Variants in ADAMTSL1 observed in about 807,000 individuals in gnomAD.
ADAMTSL1 encodes the protein ADAMTS like 1, also known as ADAMTS-like protein 1.
Under a neutral mutation model 201.8 loss-of-function variants are expected in ADAMTSL1, and 126 were observed. The observed-to-expected ratio is 0.62, with a 90% CI of 0.54 to 0.72. The LOEUF (loss-of-function observed/expected upper bound fraction) is 0.72. Ranked by LOEUF, ADAMTSL1 falls within the 30% of genes least tolerant of loss-of-function variation. The probability of loss-of-function intolerance (pLI) is 0.00; values close to 1 mark genes in which losing one functional copy is unlikely to be tolerated. For synonymous variants in ADAMTSL1, 1,121 were observed against 903.4 expected, an observed-to-expected ratio of 1.24 and a Z score of -4.32; for missense variants, 2,679 against 2,277.8, an observed-to-expected ratio of 1.18 and a Z score of -3.59.
chr9:17,927,046 G>A (rs949813881), intron 1 of ADAMTSL1, among the ~76,000 whole-genome samples: 1 of 152,034 alleles, frequency 6.6e-6, no homozygotes, highest in Admixed American at 6.6e-5. Context: ...CTATAGCCAC[G>A]AACAACTCCT....
chr9:18,760,383 A>G (rs1375264202), intron 16 of ADAMTSL1, among the ~76,000 whole-genome samples: 1 of 152,110 alleles, frequency 6.6e-6, no homozygotes, highest in African/African-American at 2.4e-5. Context: ...CCAACTTGGT[A>G]TTGATGATTC....
In ADAMTSL1 at chr9:17,935,922, C is replaced by T. The variant is rs573259447; in HGVS notation, c.87+29000C>T. On this transcript the variant is annotated intron_variant, in intron 1 of 29. Transcript: ENST00000680146. ...GCCCTCCAGTGCTTCCCATCTTCCACATGGCTTATAAGGCCTGATTTATCT... is the reference window on the plus strand; with the variant it reads ...GCCCTCCAGTGCTTCCCATCTTCCATATGGCTTATAAGGCCTGATTTATCT... 5.1e-4 allele frequency among the ~76,000 whole-genome samples: 77 copies of T among 152,300 alleles called. 1 individual carries two copies. The highest frequency in any genetic ancestry group is 1.2e-3 in the South Asian group (6 of 4,830).
chr9:18,856,507 AGGCTAGAGTGCAGT>A (rs900296072), intron 23 of ADAMTSL1, among the ~76,000 whole-genome samples: 6 of 121,372 alleles, frequency 4.9e-5, no homozygotes, highest in Admixed American at 3.4e-4. Context: ...TCTGTCGCCC[AGGCTAGAGTGCAGT>A]GGCACAGTCT....
At chr9:17,918,154 A>T (rs1472587609) in intron 1 of ADAMTSL1, among the ~76,000 whole-genome samples, 3 of 150,226 alleles carry the variant, frequency 2.0e-5, no homozygotes, top group African/African-American at 4.9e-5. Context: ...TTTCTATTTC[A>T]CTCATTTCCT....
chr9:18,537,301 G>T (rs1367334391), intron 3 of ADAMTSL1, among the ~76,000 whole-genome samples: 2 of 152,176 alleles, frequency 1.3e-5, no homozygotes, highest in African/African-American at 4.8e-5. Context: ...AGGAAGTTCA[G>T]AAAATCCACT....
intron 2 of ADAMTSL1, among the ~76,000 whole-genome samples, chr9:18,412,686 C>A (rs1054314387): frequency 2.0e-5 from 3 of 152,210 alleles, no homozygotes; most frequent in Middle Eastern, 3.4e-3. Context: ...CAGAGTTATT[C>A]CTTTTGATTC....
At chr9:18,289,601 G>GCAAT (rs1298456835) in intron 2 of ADAMTSL1, among the ~76,000 whole-genome samples, 3 of 152,190 alleles carry the variant, frequency 2.0e-5, no homozygotes, top group Non-Finnish European at 4.4e-5. Flanking sequence ...GACTTTATCT[G>GCAAT]CAATCAGCCA....
intron 7 of ADAMTSL1, among the ~76,000 whole-genome samples, chr9:18,648,946 T>A (rs866686867): frequency 0.018 from 2,684 of 152,318 alleles, 27 homozygotes; most frequent in Non-Finnish European, 0.026. Context: ...CCTTGCTAGA[T>A]TGGGGAAGTT....
At chr9:18,019,819 GA>G (rs1820407531) in intron 1 of ADAMTSL1, among the ~76,000 whole-genome samples, 1 of 152,058 alleles carries the variant, frequency 6.6e-6, no homozygotes, top group Non-Finnish European at 1.5e-5. Context: ...ATTATAAAAA[GA>G]AAAGATGACT....
intron 2 of ADAMTSL1, among the ~76,000 whole-genome samples, chr9:18,506,703 G>A (rs992740386): frequency 6.6e-6 from 1 of 152,128 alleles, no homozygotes; most frequent in East Asian, 1.9e-4. Flanking sequence ...TATTAGAAAA[G>A]TAGAATGTAA....
Position 18,775,827 on chromosome 9 carries a change from A to T in ADAMTSL1, c.2482A>T (p.Asn828Tyr). 2 of 1,608,676 alleles carry T rather than the reference A, an allele frequency of 1.2e-6. No individual in the cohort carries two copies. Among genetic ancestry groups the T allele is most frequent in the South Asian group, 2.2e-5 (2 of 89,730 alleles). Reference sequence around the variant, plus strand: ...GAAAACCGGCCTCTCAACGGTTGTCAATTCCACCCTGTGCCCGCCCCTGCC... The same window carrying T: ...GAAAACCGGCCTCTCAACGGTTGTCTATTCCACCCTGTGCCCGCCCCTGCC... Reference protein sequence around the residue: ...MLKTGLSTVVNSTLCPPLPFS... With the variant: ...MLKTGLSTVVYSTLCPPLPFS... The change falls in exon 18 of 29, where the codon AAT becomes TAT. Residue 828 changes from asparagine (N) to tyrosine (Y), a missense_variant. By Grantham distance (143) the Asn-to-Tyr change is moderately radical. Coordinates refer to ENST00000380548, the MANE Select transcript of ADAMTSL1 (RefSeq NM_001040272.6).
chr9:18,092,358 T>C (rs918570785), intron 1 of ADAMTSL1, among the ~76,000 whole-genome samples: 4 of 152,064 alleles, frequency 2.6e-5, no homozygotes, highest in Non-Finnish European at 5.9e-5. Flanking sequence ...TTTTATTGGG[T>C]CATAAAGAAT....
intron 2 of ADAMTSL1, among the ~76,000 whole-genome samples, chr9:18,348,765 A>G (rs1156623728): frequency 6.6e-6 from 1 of 152,124 alleles, no homozygotes; most frequent in Non-Finnish European, 1.5e-5. Flanking sequence ...CTTTCTTTCC[A>G]TTGAACCTCA....
chr9:18,699,064 C>T (rs936383219), intron 13 of ADAMTSL1, among the ~76,000 whole-genome samples: 2 of 152,226 alleles, frequency 1.3e-5, no homozygotes, highest in Non-Finnish European at 2.9e-5. Context: ...TCAGAGAACT[C>T]AGCCCCTGCA....
intron 23 of ADAMTSL1, among the ~76,000 whole-genome samples, chr9:18,846,790 T>C (rs1489105152): frequency 6.6e-6 from 1 of 152,146 alleles, no homozygotes; most frequent in East Asian, 1.9e-4. Context: ...TTCAGGGATC[T>C]GTAAGAGGTA....
chr9:18,407,101 G>A (rs976459228), intron 2 of ADAMTSL1, among the ~76,000 whole-genome samples: 1 of 152,106 alleles, frequency 6.6e-6, no homozygotes, highest in African/African-American at 2.4e-5. Flanking sequence ...CTGTCCAATG[G>A]AGCCCATATT....
intron 2 of ADAMTSL1, among the ~76,000 whole-genome samples, chr9:18,441,397 C>T (rs981866300): frequency 3.9e-5 from 6 of 152,200 alleles, no homozygotes; most frequent in Admixed American, 3.9e-4. Flanking sequence ...ATCCAGACTA[C>T]TGAGAGGTTT....
intron 13 of ADAMTSL1, among the ~76,000 whole-genome samples, chr9:18,702,770 T>C (rs1211344208): frequency 6.6e-6 from 1 of 152,160 alleles, no homozygotes; most frequent in African/African-American, 2.4e-5. Flanking sequence ...AAAAGAGTTT[T>C]TTTTTTTTTC....
At chr9:18,288,912 T>C (rs1261697214) in intron 2 of ADAMTSL1, among the ~76,000 whole-genome samples, 5 of 152,348 alleles carry the variant, frequency 3.3e-5, no homozygotes, top group Non-Finnish European at 7.3e-5. Context: ...ACTGAATTGA[T>C]TGGCATTGTG....
Sources: allele counts gnomAD v4.1 joint callset (sites outside exome capture counted in the v4.1 genomes callset), GRCh38; gene constraint gnomAD v4.1.1; transcripts MANE v1.5; gene names NCBI Gene and HGNC (gene_info 2026-07-23, HGNC 2026-07-21).